The following MREG variants were observed in gnomAD, a reference collection of about 807,000 sequenced individuals.
MREG encodes the protein dilute suppressor protein homolog.
MREG carries 31 observed loss-of-function variants against 28.5 expected under a neutral mutation model. The observed-to-expected ratio is 1.09, with a 90% CI of 0.82 to 1.47. The LOEUF (loss-of-function observed/expected upper bound fraction) is 1.47. Among genes scored for constraint, MREG ranks in the 40% most tolerant of loss-of-function variants. The pLI is 0.00. For synonymous variants in MREG, 106 were observed against 95.2 expected (o/e 1.11, Z -0.66); for missense variants, 256 against 257.4 (o/e 0.99, Z 0.04).
At chr2:215,973,087 T>G (rs1010915756) in intron 2 of MREG, among the ~76,000 whole-genome samples, 1 of 152,176 alleles carries the variant, frequency 6.6e-6, no homozygotes, top group African/African-American at 2.4e-5. Flanking sequence ...CAGAGGATGA[T>G]AGGGCAAGAA....
chr2:215,945,625 T>C lies in MREG; in HGVS notation c.456A>G (p.Glu152=), dbSNP rs766497457. 4 of 1,613,998 alleles carry C rather than the reference T, an allele frequency of 2.5e-6. No homozygotes were observed. In the South Asian group the frequency reaches 4.4e-5, roughly 18 times the overall value. Residue 152 remains glutamate, a synonymous_variant, in exon 4 of 5, where the codon GAA becomes GAG. Coordinates refer to ENST00000263268, the MANE Select transcript of MREG (RefSeq NM_018000.3). The stretch of plus-strand genomic sequence containing the variant: ...CCCAACTTGTTGGGAAAATATTGGT[T>C]TCTTCAGCCAGTTTTAACAACATCT... The part of the protein sequence containing the change: ...AREMLLKLAE[E]TNIFPTSWEL...
chr2:215,991,843 C>T (rs543186490), intron 2 of MREG, among the ~76,000 whole-genome samples: 1 of 152,120 alleles, frequency 6.6e-6, no homozygotes, highest in African/African-American at 2.4e-5. Context: ...AAGACTAAAC[C>T]AGGAGGAATT....
intron 1 of MREG, among the ~76,000 whole-genome samples, chr2:216,006,326 T>C (rs975693381): frequency 6.6e-6 from 1 of 152,232 alleles, no homozygotes; most frequent in African/African-American, 2.4e-5. Context: ...CTCCTACGCG[T>C]TGGGCCTAAA....
At chr2:215,975,008 T>TATATATATATATATATATATA (rs1553550371) in intron 2 of MREG, among the ~76,000 whole-genome samples, 3 of 106,610 alleles carry the variant, frequency 2.8e-5, no homozygotes, top group African/African-American at 6.3e-5. Flanking sequence ...TTTATATGAA[T>TATATATATATATATATATATA]TATATATATA....
intron 1 of MREG, among the ~76,000 whole-genome samples, chr2:216,021,176 C>T (rs575334088): frequency 2.2e-4 from 34 of 152,218 alleles, no homozygotes; most frequent in African/African-American, 8.2e-4. Context: ...GAGATGTGGT[C>T]TCACTCTGTC....
intron 2 of MREG, among the ~76,000 whole-genome samples, chr2:215,987,814 A>G (rs552618458): frequency 2.0e-4 from 30 of 152,236 alleles, no homozygotes; most frequent in African/African-American, 7.0e-4. Flanking sequence ...GAGGCAGGAG[A>G]ATCACTTGAA....
At chr2:216,006,710 T>C (rs530474407) in intron 1 of MREG, among the ~76,000 whole-genome samples, 1 of 152,280 alleles carries the variant, frequency 6.6e-6, no homozygotes, top group East Asian at 1.9e-4. Context: ...GCCCTTCCAA[T>C]GGGGAGAAGA....
intron 2 of MREG, among the ~76,000 whole-genome samples, chr2:215,971,914 G>A (rs374714253): frequency 6.6e-6 from 1 of 152,164 alleles, no homozygotes; most frequent in East Asian, 1.9e-4. Context: ...TTTCTCAAAC[G>A]CACTGCCTTA....
chr2:215,942,216 A>G (rs1692206264), downstream of MREG, among the ~76,000 whole-genome samples: 1 of 152,156 alleles, frequency 6.6e-6, no homozygotes, highest in Non-Finnish European at 1.5e-5. Flanking sequence ...CCCCAAATCA[A>G]CCTGCATACA....
At position 215,943,577 on chromosome 2, in the gene MREG, C is replaced by G. The variant is rs558160167; in HGVS notation, c.*1286G>C. 32 of 445,668 alleles carry G rather than the reference C, an allele frequency of 7.2e-5. No homozygotes were observed. In the East Asian group the frequency reaches 2.2e-3, roughly 30 times the overall value. 27.6% of individuals were successfully genotyped at this position (445,668 alleles called of 1,614,324 possible). On this transcript the variant is annotated 3_prime_UTR_variant, in exon 5 of 5. Coordinates refer to ENST00000263268, the MANE Select transcript of MREG (RefSeq NM_018000.3). ...AAGGGCTTGGCCGGGCGCGGTGACTCACGCCTGTAATCCCAGCACTTTGGG... is the reference window on the plus strand; with the variant it reads ...AAGGGCTTGGCCGGGCGCGGTGACTGACGCCTGTAATCCCAGCACTTTGGG...
At chr2:215,970,606 G>A (rs1383622282) in intron 2 of MREG, among the ~76,000 whole-genome samples, 1 of 152,158 alleles carries the variant, frequency 6.6e-6, no homozygotes, top group Non-Finnish European at 1.5e-5. Context: ...AGGGCAGCAG[G>A]GAAACAGCAT....
chr2:215,996,214 C>CT, intron 2 of MREG, 92 bp downstream of exon 2: 3 of 1,296,562 alleles, frequency 2.3e-6, no homozygotes, highest in Non-Finnish European at 3.1e-6. Flanking sequence ...ATCCTTCATT[C>CT]TTTTTGTTAT....
chr2:215,962,478 C>G (rs1692817782), intron 2 of MREG, among the ~76,000 whole-genome samples: 1 of 152,162 alleles, frequency 6.6e-6, no homozygotes, highest in Admixed American at 6.5e-5. Flanking sequence ...AGTTCTGGGG[C>G]TCTGCAAGGA....
intron 2 of MREG, among the ~76,000 whole-genome samples, chr2:215,969,476 C>T (rs766619817): frequency 1.1e-4 from 16 of 152,304 alleles, no homozygotes; most frequent in South Asian, 4.1e-4. Context: ...GCAAAAGAAA[C>T]GAGATTCCTG....
rs942096856 is a variant in MREG at position 216,013,398 on chromosome 2, G to C, written c.-71C>G. On this transcript the variant is annotated 5_prime_UTR_variant, in exon 1 of 5. Coordinates refer to ENST00000263268, the MANE Select transcript of MREG (RefSeq NM_018000.3). ...GCCGCGGCGAGCGATCGAGGCTGGGGCGCGGCCACCGCGCCAGCGTCCAGG... is the reference window on the plus strand; with the variant it reads ...GCCGCGGCGAGCGATCGAGGCTGGGCCGCGGCCACCGCGCCAGCGTCCAGG... 8.6e-7 allele frequency: 1 copy of C among 1,169,140 alleles called. No individual in the cohort carries two copies. Among genetic ancestry groups the C allele is most frequent in the African/African-American group, 1.6e-5 (1 of 61,338 alleles). The allele number at this position is 1,169,140 out of a possible 1,614,324, so 72.4% of individuals were successfully genotyped here.
At chr2:216,023,525 T>A (rs1445304211) in intron 1 of MREG, among the ~76,000 whole-genome samples, 1 of 152,062 alleles carries the variant, frequency 6.6e-6, no homozygotes. Context: ...TATTACTATT[T>A]CATTTCATCT....
chr2:215,997,391 G>A (rs1693901561), intron 1 of MREG, among the ~76,000 whole-genome samples: 1 of 152,130 alleles, frequency 6.6e-6, no homozygotes, highest in Non-Finnish European at 1.5e-5. Context: ...ATCACATCTG[G>A]GGCATGCCTG....
chr2:215,996,761 CA>C (rs148230778), intron 1 of MREG, among the ~76,000 whole-genome samples: 2,140 of 140,780 alleles, frequency 0.015, 50 homozygotes, highest in African/African-American at 0.053. Context: ...GCTAAGACAA[CA>C]AAGGAAATTC....
intron 1 of MREG, 86 bp downstream of exon 1, chr2:216,013,147 C>G (rs1471058635): frequency 8.1e-7 from 1 of 1,227,208 alleles, no homozygotes; most frequent in African/African-American, 1.5e-5. Flanking sequence ...ACCTCCCCAA[C>G]TCACACAAGC....
Sources: allele counts gnomAD v4.1 joint callset (sites outside exome capture counted in the v4.1 genomes callset), GRCh38; gene constraint gnomAD v4.1.1; transcripts MANE v1.5; gene names NCBI Gene and HGNC (gene_info 2026-07-23, HGNC 2026-07-21).